Variants in EDA observed in about 807,000 individuals in gnomAD.
EDA encodes ectodysplasin-A.
Under a neutral mutation model 23.6 loss-of-function variants are expected in EDA, and 2 were observed. The observed-to-expected ratio is 0.08, with a 90% confidence interval of 0.03 to 0.27. EDA has a LOEUF of 0.27. EDA is among the 10% of genes least tolerant of loss of function. The pLI, the probability that EDA is intolerant of heterozygous loss-of-function variation, is 1.00. For missense variants in EDA, 229 were observed against 324.2 expected, an observed-to-expected ratio of 0.71 and a Z score of 2.26; for synonymous variants, 131 against 132.0, an observed-to-expected ratio of 0.99 and a Z score of 0.05.
At chrX:69,626,191 T>C in intron 1 of EDA, among the ~76,000 whole-genome samples, 1 of 111,880 alleles carries the variant, frequency 8.9e-6, no homozygotes, top group East Asian at 2.8e-4. Context: ...ATGGAAACTC[T>C]CATACATTGC....
chrX:70,021,957 T>C (rs1209951797), intron 2 of EDA, among the ~76,000 whole-genome samples: 1 of 112,233 alleles, frequency 8.9e-6, no homozygotes, highest in Non-Finnish European at 1.9e-5. Context: ...GGAAATATGT[T>C]TTATAAACTA....
chrX:69,922,725 G>A (rs1417386666), intron 1 of EDA, among the ~76,000 whole-genome samples: 2 of 111,358 alleles, frequency 1.8e-5, no homozygotes, highest in East Asian at 2.8e-4. Flanking sequence ...TAAATGTGTC[G>A]ATTTGTGCTT....
At chrX:69,617,767 G>A (rs766018364) in intron 1 of EDA, 3 of 350,153 alleles carry the variant, frequency 8.6e-6, no homozygotes, top group South Asian at 2.6e-5. Context: ...GTTCCTTGAG[G>A]TGAGGGACCC....
At chrX:69,826,298 G>A (rs996554947) in intron 1 of EDA, among the ~76,000 whole-genome samples, 2 of 110,542 alleles carry the variant, frequency 1.8e-5, no homozygotes, top group Admixed American at 9.6e-5. Context: ...TGACAGTGGG[G>A]TATTAAAGTC....
intron 1 of EDA, among the ~76,000 whole-genome samples, chrX:69,824,440 A>G (rs1237082248): frequency 5.5e-5 from 6 of 109,931 alleles, no homozygotes; most frequent in African/African-American, 2.0e-4. Context: ...ATTCCTAGGT[A>G]TTTTATTCTC....
At position 69,627,300 on chromosome X, in the gene EDA, C is replaced by T. The variant is rs906903753; in HGVS notation, c.396+10596C>T. ...TCTCTACATCCCTCTCCCTTTCTGC[C>T]TCCCTGCCTCTCTCTCTGCTTCTTA... On this transcript the variant is annotated intron_variant, in intron 1 of 7. Transcript: ENST00000374552. Among the ~76,000 whole-genome samples, 20 of 111,314 alleles carry T rather than the reference C, an allele frequency of 1.8e-4. 1 individual carries two copies. Among genetic ancestry groups the T allele is most frequent in the African/African-American group, 6.2e-4 (19 of 30,606 alleles).
Position 69,778,721 on chromosome X carries a change from A to G in EDA, c.396+162017A>G, listed in dbSNP as rs1049931752. 4.5e-5 allele frequency among the ~76,000 whole-genome samples: 5 copies of G among 111,183 alleles called. No homozygotes were observed. In the East Asian group the frequency reaches 1.1e-3, roughly 25 times the overall value. ...TGAGATGCAGTTAGGGTAACCTCCT[A>G]TTTGAGCTTGAATCTTGCTGTCCCA... is the stretch of plus-strand genomic sequence containing the variant. On this transcript the variant is annotated intron_variant, in intron 1 of 7. Coordinates refer to ENST00000374552, the MANE Select transcript of EDA (RefSeq NM_001399.5).
chrX:69,787,364 T>C, intron 1 of EDA, among the ~76,000 whole-genome samples: 1 of 104,176 alleles, frequency 9.6e-6, no homozygotes, highest in East Asian at 2.9e-4. Context: ...TGCTCGTTAG[T>C]TGATGCAGTT....
chrX:69,853,784 C>T (rs910797374), intron 1 of EDA, among the ~76,000 whole-genome samples: 3 of 112,174 alleles, frequency 2.7e-5, no homozygotes, highest in Non-Finnish European at 5.6e-5. Context: ...GTAAAAAGCG[C>T]AATAATAATT....
At chrX:69,877,707 A>G (rs1030631984) in intron 1 of EDA, among the ~76,000 whole-genome samples, 10 of 112,042 alleles carry the variant, frequency 8.9e-5, no homozygotes, top group African/African-American at 3.2e-4. Context: ...TCTATTATAG[A>G]TTGTGCTTTT....
chrX:69,678,140 G>A (rs1422110528), intron 1 of EDA, among the ~76,000 whole-genome samples: 1 of 110,884 alleles, frequency 9.0e-6, no homozygotes, highest in Non-Finnish European at 1.9e-5. Context: ...GTAGATATGC[G>A]ACGTTATTCC....
chrX:69,674,822 C>T (rs755558135), intron 1 of EDA, among the ~76,000 whole-genome samples: 41 of 111,315 alleles, frequency 3.7e-4, no homozygotes, highest in Admixed American at 2.0e-3. Context: ...TTTCTTGTAA[C>T]GTTTAATACT....
chrX:69,872,087 C>T (rs2017575033), intron 1 of EDA, among the ~76,000 whole-genome samples: 1 of 111,786 alleles, frequency 8.9e-6, no homozygotes, highest in Non-Finnish European at 1.9e-5. Context: ...GATTGGGGTC[C>T]TGTTTTTAGC....
At chrX:69,628,830 T>G (rs1271716495) in intron 1 of EDA, among the ~76,000 whole-genome samples, 1 of 111,151 alleles carries the variant, frequency 9.0e-6, no homozygotes, top group Non-Finnish European at 1.9e-5. Context: ...TGACTCCCTT[T>G]CTTTCTAGTC....
intron 1 of EDA, among the ~76,000 whole-genome samples, chrX:69,704,796 C>A (rs2011645565): frequency 9.0e-6 from 1 of 111,639 alleles, no homozygotes; most frequent in Non-Finnish European, 1.9e-5. Flanking sequence ...TTTACTTATT[C>A]TTGACAATTC....
chrX:69,762,052 A>G (rs1200938179), intron 1 of EDA, among the ~76,000 whole-genome samples: 1 of 111,823 alleles, frequency 8.9e-6, no homozygotes, highest in Non-Finnish European at 1.9e-5. Flanking sequence ...AATTTTGAGT[A>G]GTTGAAAGTG....
At position 69,711,829 on chromosome X, in the gene EDA, C is replaced by T. The variant is rs376610223; in HGVS notation, c.396+95125C>T. 3.9e-3 allele frequency among the ~76,000 whole-genome samples: 431 copies of T among 111,510 alleles called. 3 individuals are homozygous for T. The highest frequency in any genetic ancestry group is 5.6e-3 in the Non-Finnish European group (300 of 53,102). ...ATGGTAGTTTGTATTTCTGTGGGAT[C>T]GATGGTGATATCCCCTTTATCATTT... On this transcript the variant is annotated intron_variant, in intron 1 of 7. Transcript: ENST00000374552.
At chrX:69,660,381 G>T (rs1933447290) in intron 1 of EDA, among the ~76,000 whole-genome samples, 1 of 110,361 alleles carries the variant, frequency 9.1e-6, no homozygotes. Context: ...TAGGGTACAT[G>T]TGCACAATGT....
chrX:69,929,990 T>A lies in EDA; in HGVS notation c.397-27037T>A, dbSNP rs756149187. Reference sequence around the variant, plus strand: ...CCCATCTTCTGTACCCCAAGCAGAGTTAACACTTCTCTGCGGCTCCGTAGA... The same window carrying A: ...CCCATCTTCTGTACCCCAAGCAGAGATAACACTTCTCTGCGGCTCCGTAGA... On this transcript the variant is annotated intron_variant, in intron 1 of 7. Transcript: ENST00000374552. 2.7e-5 allele frequency among the ~76,000 whole-genome samples: 3 copies of A among 109,747 alleles called. No individual in the cohort carries two copies. The South Asian group carries it at 1.2e-3, about 42-fold the overall frequency.
Sources: allele counts gnomAD v4.1 joint callset (sites outside exome capture counted in the v4.1 genomes callset), GRCh38; gene constraint gnomAD v4.1.1; transcripts MANE v1.5; gene names NCBI Gene and HGNC (gene_info 2026-07-23, HGNC 2026-07-21).